NRG2: variants seen among roughly 807,000 people sequenced by gnomAD.
The protein encoded by NRG2 is neuregulin 2, also known as pro-neuregulin-2, membrane-bound isoform.
A neutral mutation model predicts 73.9 loss-of-function variants in NRG2; 27 were observed. The ratio of observed to expected loss-of-function variants is 0.37; its 90% CI spans 0.27 to 0.50. The LOEUF (loss-of-function observed/expected upper bound fraction) is 0.50, where lower values mean the gene tolerates loss of function less well. Ranked by LOEUF, NRG2 falls within the 20% of genes least tolerant of loss-of-function variation. NRG2 has a pLI of 0.96. For synonymous variants in NRG2, 532 were observed against 541.0 expected (o/e 0.98, Z 0.23); for missense variants, 1,126 against 1,210.1 (o/e 0.93, Z 1.03).
At chr5:140,018,315 A>G (rs1397438357) in intron 1 of NRG2, among the ~76,000 whole-genome samples, 1 of 152,190 alleles carries the variant, frequency 6.6e-6, no homozygotes, top group Non-Finnish European at 1.5e-5. Context: ...CGTGATTGAA[A>G]ACAGCAATGA....
chr5:140,021,946 A>G (rs1166334138), intron 1 of NRG2, among the ~76,000 whole-genome samples: 2 of 152,140 alleles, frequency 1.3e-5, no homozygotes, highest in African/African-American at 2.4e-5. Context: ...TTACAGAATC[A>G]ACAATCCCTT....
intron 1 of NRG2, among the ~76,000 whole-genome samples, chr5:139,937,258 C>T (rs1752917800): frequency 6.6e-6 from 1 of 152,132 alleles, no homozygotes; most frequent in South Asian, 2.1e-4. Flanking sequence ...TGTAGAAATG[C>T]ATTTGATAAA....
chr5:139,910,032 G>A (rs1765477753), intron 1 of NRG2, among the ~76,000 whole-genome samples: 1 of 152,202 alleles, frequency 6.6e-6, no homozygotes, highest in African/African-American at 2.4e-5. Context: ...GAAAGAAGGG[G>A]GCTGTATCGG....
At chr5:139,996,554 G>C (rs1257114237) in intron 1 of NRG2, among the ~76,000 whole-genome samples, 1 of 152,186 alleles carries the variant, frequency 6.6e-6, no homozygotes, top group Non-Finnish European at 1.5e-5. Flanking sequence ...AAGAAAACAC[G>C]TATCTTCAGG....
At position 139,984,208 on chromosome 5, in the gene NRG2, G is replaced by A. The variant is rs543267372; in HGVS notation, c.700+58162C>T. On this transcript the variant is annotated intron_variant, in intron 1 of 9. Transcript: ENST00000361474. ...TTTATACACAAGGCTGTTCAACATAGCATTATTTATAATATATGAAATATT... is the reference window on the plus strand; with the variant it reads ...TTTATACACAAGGCTGTTCAACATAACATTATTTATAATATATGAAATATT... 2.6e-5 allele frequency among the ~76,000 whole-genome samples: 4 copies of A among 152,178 alleles called. No homozygotes were observed. In the East Asian group the frequency reaches 7.7e-4, roughly 29 times the overall value.
intron 1 of NRG2, among the ~76,000 whole-genome samples, chr5:139,926,493 A>T (rs1363125865): frequency 6.6e-6 from 1 of 152,120 alleles, no homozygotes; most frequent in Non-Finnish European, 1.5e-5. Flanking sequence ...CCTGCTTATC[A>T]GACCTCAGGC....
chr5:139,951,329 T>A (rs760504030), intron 1 of NRG2, among the ~76,000 whole-genome samples: 10 of 152,162 alleles, frequency 6.6e-5, no homozygotes, highest in Non-Finnish European at 1.3e-4. Context: ...TATCGAGAGG[T>A]AGGAGTGAGG....
intron 1 of NRG2, among the ~76,000 whole-genome samples, chr5:140,002,011 CT>C (rs1758524314): frequency 6.6e-6 from 1 of 151,938 alleles, no homozygotes; most frequent in Admixed American, 6.6e-5. Context: ...AGGGAGACCC[CT>C]GTCTCTACAA....
Position 140,022,114 on chromosome 5 carries a change from T to C in NRG2, c.700+20256A>G, listed in dbSNP as rs536443165. On this transcript the variant is annotated intron_variant, in intron 1 of 9. Transcript: ENST00000361474. ...TAACTAGAACCACCTGTCATCCTAG[T>C]TCAGGTTTGCAGAACTAGGTACTGA... Among the ~76,000 whole-genome samples the C allele has an allele frequency of 5.3e-5, 8 of 152,302 alleles. No individual in the cohort carries two copies. In the South Asian group the frequency reaches 1.7e-3, roughly 32 times the overall value.
At chr5:139,888,127 C>T (rs866965996) in intron 1 of NRG2, among the ~76,000 whole-genome samples, 1 of 152,158 alleles carries the variant, frequency 6.6e-6, no homozygotes, top group Non-Finnish European at 1.5e-5. Context: ...CACACACACA[C>T]ACACACACAC....
chr5:140,009,272 T>C (rs36021945), intron 1 of NRG2, among the ~76,000 whole-genome samples: 15,661 of 152,226 alleles, frequency 0.1, 969 homozygotes, highest in East Asian at 0.17. Context: ...TTGCCTCCAG[T>C]TGAAAGAGGC....
chr5:139,994,687 T>G (rs1757897380), intron 1 of NRG2, among the ~76,000 whole-genome samples: 1 of 152,118 alleles, frequency 6.6e-6, no homozygotes, highest in South Asian at 2.1e-4. Context: ...GGTATAGACT[T>G]GTATAGAAGA....
At chr5:139,942,355 TTTTCA>T (rs976134542) in intron 1 of NRG2, among the ~76,000 whole-genome samples, 14 of 152,204 alleles carry the variant, frequency 9.2e-5, no homozygotes, top group African/African-American at 3.1e-4. Context: ...ACATTTTATG[TTTTCA>T]TAAGTTTTGT....
intron 1 of NRG2, among the ~76,000 whole-genome samples, chr5:140,031,745 A>T (rs1761173989): frequency 1.3e-5 from 2 of 152,196 alleles, no homozygotes; most frequent in Non-Finnish European, 2.9e-5. Context: ...CAAGTGCGGC[A>T]AGGTGCTGTA....
At chr5:139,979,708 C>A (rs1324903128) in intron 1 of NRG2, among the ~76,000 whole-genome samples, 9 of 152,320 alleles carry the variant, frequency 5.9e-5, no homozygotes, top group African/African-American at 2.2e-4. Flanking sequence ...CTTCCAAATC[C>A]TGCCAACGAC....
chr5:140,002,055 G>C (rs1758528135), intron 1 of NRG2, among the ~76,000 whole-genome samples: 1 of 151,968 alleles, frequency 6.6e-6, no homozygotes, highest in South Asian at 2.1e-4. Context: ...ATGGTGGCAT[G>C]AGCCTGTGGT....
At chr5:139,897,003 C>G (rs190477527) in intron 1 of NRG2, among the ~76,000 whole-genome samples, 61 of 152,274 alleles carry the variant, frequency 4.0e-4, no homozygotes, top group African/African-American at 1.5e-3. Context: ...ATTCCCCTAC[C>G]ACTTCCCTTC....
chr5:139,912,668 C>T (rs1750922595), intron 1 of NRG2, among the ~76,000 whole-genome samples: 1 of 152,172 alleles, frequency 6.6e-6, no homozygotes, highest in South Asian at 2.1e-4. Flanking sequence ...ACTGCTGGCT[C>T]TTGGGGTACA....
chr5:139,915,465 C>T lies in NRG2; in HGVS notation c.701-27954G>A, dbSNP rs1232088792. Among the ~76,000 whole-genome samples, 1 of 152,176 alleles carries T rather than the reference C, an allele frequency of 6.6e-6. No individual in the cohort carries two copies. Among genetic ancestry groups the T allele is most frequent in the African/African-American group, 2.4e-5 (1 of 41,424 alleles). On this transcript the variant is annotated intron_variant, in intron 1 of 9. Transcript: ENST00000361474. This position sits in a 1 kb window ranked among gnomAD's most constrained non-coding sequence, Gnocchi z 4.0. ...CAGGTTGGGTGGTGGCCAGGGTCCCCCAGGTCCTGCTTACATTCCACTGGT... is the reference window on the plus strand; with the variant it reads ...CAGGTTGGGTGGTGGCCAGGGTCCCTCAGGTCCTGCTTACATTCCACTGGT...
Sources: gnomAD v4.1 joint callset for allele counts (sites outside exome capture counted in the v4.1 genomes callset) on GRCh38, gnomAD v4.1.1 for gene constraint, Gnocchi (gnomAD v3.1) non-coding constraint, MANE v1.5 for transcripts, NCBI Gene and HGNC (gene_info 2026-07-23, HGNC 2026-07-21) for gene names.